COLEC12: variants seen among roughly 807,000 people sequenced by gnomAD.
The protein encoded by COLEC12 is collectin subfamily member 12.
Under a neutral mutation model 71.1 loss-of-function variants are expected in COLEC12, and 33 were observed. That is an observed-to-expected ratio of 0.46 (90% confidence interval 0.35 to 0.62). The LOEUF (loss-of-function observed/expected upper bound fraction) is 0.62, where lower values mean the gene tolerates loss of function less well. Ranked by LOEUF, COLEC12 falls within the 20% of genes least tolerant of loss-of-function variation. The pLI is 0.00. For synonymous variants in COLEC12, 350 were observed against 353.0 expected (o/e 0.99, Z 0.10); for missense variants, 765 against 916.1 (o/e 0.84, Z 2.13).
intron 2 of COLEC12, among the ~76,000 whole-genome samples, chr18:448,438 T>C (rs1328231041): frequency 6.6e-6 from 1 of 152,334 alleles, no homozygotes; most frequent in South Asian, 2.1e-4. Flanking sequence ...TCAATGGGTA[T>C]GTGGTGAAGG....
At chr18:484,871 C>G (rs1917490826) in intron 1 of COLEC12, among the ~76,000 whole-genome samples, 1 of 152,194 alleles carries the variant, frequency 6.6e-6, no homozygotes, top group Non-Finnish European at 1.5e-5. Context: ...AGTTAGCAAA[C>G]AGCTGATTCA....
chr18:330,541 C>G (rs1389901056), intron 8 of COLEC12, among the ~76,000 whole-genome samples: 5 of 150,818 alleles, frequency 3.3e-5, no homozygotes, highest in African/African-American at 1.2e-4. Context: ...TCATTTGTTA[C>G]AGTTCCTTGC....
intron 2 of COLEC12, among the ~76,000 whole-genome samples, chr18:380,395 G>A (rs1444956727): frequency 6.6e-6 from 1 of 152,108 alleles, no homozygotes; most frequent in East Asian, 1.9e-4. Context: ...TGAAGTGTGA[G>A]TTCTCAGGGG....
chr18:461,397 A>G (rs1916980568), intron 2 of COLEC12, among the ~76,000 whole-genome samples: 1 of 152,172 alleles, frequency 6.6e-6, no homozygotes, highest in Non-Finnish European at 1.5e-5. Context: ...TTTAATTTTT[A>G]TCTTTTAGAG....
chr18:322,193 T>TACACAC lies in COLEC12; in HGVS notation c.2064-392_2064-387dup, dbSNP rs34440882. On this transcript the variant is annotated intron_variant, in intron 8 of 9. Coordinates refer to ENST00000400256, the MANE Select transcript of COLEC12 (RefSeq NM_130386.3). ...ATATCTATTCATTATGAGGACATGA[T>TACACAC]ACACACACACACACACACACACGCA... 3.4e-3 allele frequency among the ~76,000 whole-genome samples: 512 copies of TACACAC among 149,788 alleles called. 4 individuals are homozygous for TACACAC. Among genetic ancestry groups the TACACAC allele is most frequent in the Admixed American group, 0.012 (180 of 15,028 alleles).
chr18:369,385 C>CTTTTTTTTTTTTTT (rs55923005), intron 2 of COLEC12, among the ~76,000 whole-genome samples: 2 of 136,194 alleles, frequency 1.5e-5, no homozygotes, highest in Non-Finnish European at 1.6e-5. Context: ...TGATACAGAT[C>CTTTTTTTTTTTTTT]TTTTTTTTTT....
At chr18:470,944 A>G (rs4797176) in intron 2 of COLEC12, among the ~76,000 whole-genome samples, 27,773 of 152,122 alleles carry the variant, frequency 0.18, 2,551 homozygotes, top group East Asian at 0.28. Context: ...AGGTTATTTC[A>G]AATATTAGAG....
At position 455,171 on chromosome 18, in the gene COLEC12, G is replaced by A. The variant is rs139028691; in HGVS notation, c.58+25536C>T. On this transcript the variant is annotated intron_variant, in intron 2 of 9. Coordinates refer to ENST00000400256, the MANE Select transcript of COLEC12 (RefSeq NM_130386.3). ...CTCCATGGCCGCATTGTGGCTAAGC[G>A]GAAAGTTACACTGGGAGATAAATAG... 5.3e-5 allele frequency among the ~76,000 whole-genome samples: 8 copies of A among 152,256 alleles called. No individual in the cohort carries two copies. In the East Asian group the frequency reaches 5.8e-4, roughly 11 times the overall value.
intron 3 of COLEC12, among the ~76,000 whole-genome samples, chr18:350,370 T>G (rs370714521): frequency 6.0e-4 from 92 of 152,322 alleles, no homozygotes; most frequent in East Asian, 1.7e-3. Flanking sequence ...GGAACTGTAA[T>G]TCCAGTTAAA....
At chr18:487,222 A>AC (rs1555623362) in intron 1 of COLEC12, among the ~76,000 whole-genome samples, 1 of 152,228 alleles carries the variant, frequency 6.6e-6, no homozygotes, top group Non-Finnish European at 1.5e-5. Context: ...TCACAAAAAA[A>AC]ACACACACAC....
chr18:473,508 C>A (rs1488356753), intron 2 of COLEC12, among the ~76,000 whole-genome samples: 1 of 46,258 alleles, frequency 2.2e-5, no homozygotes, highest in African/African-American at 6.2e-5. Flanking sequence ...GGATTACAGG[C>A]GCGTGCCACA....
intron 2 of COLEC12, among the ~76,000 whole-genome samples, chr18:368,848 A>G (rs990122561): frequency 1.5e-4 from 23 of 152,234 alleles, no homozygotes; most frequent in Non-Finnish European, 3.1e-4. Flanking sequence ...CCTGGGCAAC[A>G]GAGCGAGACT....
rs1913616059 is a variant in COLEC12 at position 318,801 on chromosome 18, T to TGGC, written c.*1243_*1244insGCC. ...AGCCACTGCGCCCGGCTGGAAAGGT[T>TGGC]CTTTTAAGAGTTCCACAAAGTGGCC... On this transcript the variant is annotated 3_prime_UTR_variant, in exon 10 of 10. Coordinates refer to ENST00000400256, the MANE Select transcript of COLEC12 (RefSeq NM_130386.3). 1.3e-5 allele frequency: 2 copies of TGGC among 152,208 alleles called. No homozygotes were observed. The highest frequency in any genetic ancestry group is 2.4e-5 in the African/African-American group (1 of 41,436). The allele number at this position is 152,208 out of a possible 1,614,324, so 9.4% of individuals were successfully genotyped here. A position where few individuals can be genotyped will look rare whatever the true frequency, so the allele number is the denominator to read the frequency against.
chr18:497,958 A>G (rs1225449097), intron 1 of COLEC12, among the ~76,000 whole-genome samples: 1 of 152,152 alleles, frequency 6.6e-6, no homozygotes, highest in Non-Finnish European at 1.5e-5. Context: ...TACAGCACCA[A>G]TTGTGGGTTA....
chr18:393,769 T>C (rs1915512873), intron 2 of COLEC12, among the ~76,000 whole-genome samples: 2 of 152,220 alleles, frequency 1.3e-5, no homozygotes, highest in Non-Finnish European at 2.9e-5. Flanking sequence ...GTCTGTGCCC[T>C]TTGCTAGATC....
chr18:370,374 T>C (rs1211733010), intron 2 of COLEC12, among the ~76,000 whole-genome samples: 1 of 152,202 alleles, frequency 6.6e-6, no homozygotes, highest in African/African-American at 2.4e-5. Flanking sequence ...CAGCTCCTAA[T>C]TACAGTTGTA....
chr18:497,832 A>T (rs1367152803), intron 1 of COLEC12, among the ~76,000 whole-genome samples: 1 of 152,210 alleles, frequency 6.6e-6, no homozygotes, highest in African/African-American at 2.4e-5. Context: ...GAAAATCTTT[A>T]GTTGGTTCCC....
chr18:495,299 C>G (rs909115728), intron 1 of COLEC12, among the ~76,000 whole-genome samples: 3 of 152,314 alleles, frequency 2.0e-5, no homozygotes, highest in South Asian at 2.1e-4. Context: ...TGAAAAATGT[C>G]TATACTTCCC....
intron 2 of COLEC12, among the ~76,000 whole-genome samples, chr18:462,225 C>G (rs538322117): frequency 5.9e-5 from 9 of 152,282 alleles, no homozygotes; most frequent in Admixed American, 5.9e-4. Context: ...CAAGCCCACA[C>G]AAAAGTTCAC....
Sources: allele counts gnomAD v4.1 joint callset (sites outside exome capture counted in the v4.1 genomes callset), GRCh38; gene constraint gnomAD v4.1.1; transcripts MANE v1.5; gene names NCBI Gene and HGNC (gene_info 2026-07-23, HGNC 2026-07-21).